The following ROR1 variants were observed in gnomAD, a reference collection of about 807,000 sequenced individuals.
ROR1 encodes inactive tyrosine-protein kinase transmembrane receptor ROR1.
Under a neutral mutation model 78.8 loss-of-function variants are expected in ROR1, and 19 were observed. The ratio of observed to expected loss-of-function variants is 0.24; its 90% CI spans 0.17 to 0.35. The LOEUF (loss-of-function observed/expected upper bound fraction) is 0.35, where lower values mean the gene tolerates loss of function less well. Among genes scored for constraint, ROR1 ranks in the 10% least tolerant of loss-of-function variants. ROR1 has a pLI of 1.00. For synonymous variants in ROR1, 386 were observed against 433.6 expected, an observed-to-expected ratio of 0.89 and a Z score of 1.36; for missense variants, 917 against 1,177.8, an observed-to-expected ratio of 0.78 and a Z score of 3.24.
chr1:63,941,954 A>G (rs993925963), intron 1 of ROR1, among the ~76,000 whole-genome samples: 3 of 152,184 alleles, frequency 2.0e-5, no homozygotes, highest in Non-Finnish European at 1.5e-5. Flanking sequence ...CCCTTACAAA[A>G]TTATCTCCAT....
At chr1:64,175,036 T>C (rs141220706) in intron 8 of ROR1, among the ~76,000 whole-genome samples, 60 of 150,612 alleles carry the variant, frequency 4.0e-4, no homozygotes, top group Non-Finnish European at 8.0e-4. Context: ...AGTTATTTAA[T>C]TTAAAAAAAT....
At chr1:64,078,028 A>G (rs1441488210) in intron 4 of ROR1, among the ~76,000 whole-genome samples, 1 of 152,208 alleles carries the variant, frequency 6.6e-6, no homozygotes, top group Non-Finnish European at 1.5e-5. Context: ...AGACAAATAG[A>G]ACATAATATC....
intron 1 of ROR1, among the ~76,000 whole-genome samples, chr1:63,995,294 A>G (rs559119457): frequency 6.6e-6 from 1 of 152,208 alleles, no homozygotes. Context: ...CTTAAATAGC[A>G]GTTGTTATTA....
intron 2 of ROR1, among the ~76,000 whole-genome samples, chr1:64,015,094 CAA>C (rs1215683983): frequency 6.6e-6 from 1 of 151,724 alleles, no homozygotes; most frequent in East Asian, 2.0e-4. Flanking sequence ...TGGTGGCAGG[CAA>C]AGAGAGAGCT....
At chr1:63,880,505 G>A (rs959609176) in intron 1 of ROR1, among the ~76,000 whole-genome samples, 5 of 152,134 alleles carry the variant, frequency 3.3e-5, no homozygotes, top group Admixed American at 2.0e-4. Context: ...ATGCAAGTAC[G>A]TCCAAATCAA....
chr1:63,791,862 A>AT (rs1644729048), intron 1 of ROR1, among the ~76,000 whole-genome samples: 1 of 152,158 alleles, frequency 6.6e-6, no homozygotes, highest in African/African-American at 2.4e-5. Context: ...GGCAAGTACC[A>AT]TTTTGTCTTC....
intron 1 of ROR1, among the ~76,000 whole-genome samples, chr1:63,921,974 C>T (rs536211031): frequency 6.6e-6 from 1 of 152,268 alleles, no homozygotes; most frequent in South Asian, 2.1e-4. Flanking sequence ...CTCAGGAGCT[C>T]CCACTTTGGT....
chr1:63,851,938 G>A (rs1289508714), intron 1 of ROR1, among the ~76,000 whole-genome samples: 3 of 152,222 alleles, frequency 2.0e-5, no homozygotes, highest in African/African-American at 4.8e-5. Context: ...AAAAGCAGTG[G>A]CACAGCAGGT....
At chr1:63,862,072 T>C (rs1350438988) in intron 1 of ROR1, among the ~76,000 whole-genome samples, 17 of 152,160 alleles carry the variant, frequency 1.1e-4, no homozygotes. Flanking sequence ...TCTGTCTTAC[T>C]GTGAAGTTTC....
rs566522453 is a variant in ROR1, at chr1:64,050,542, T to C, written c.452-144T>C. On this transcript the variant is annotated intron_variant, in intron 3 of 8. Transcript: ENST00000371079. ...TTTTTCATAGAGATGGTTGGGGGAATAGAGCAAAACAATAAATTCCAGAAA... is the reference window on the plus strand; with the variant it reads ...TTTTTCATAGAGATGGTTGGGGGAACAGAGCAAAACAATAAATTCCAGAAA... 5.7e-5 allele frequency: 43 copies of C among 760,814 alleles called. No individual in the cohort carries two copies. In the African/African-American group the frequency reaches 7.4e-4, roughly 13 times the overall value. The allele number at this position is 760,814 out of a possible 1,614,324, so 47.1% of individuals were successfully genotyped here. A position where few individuals can be genotyped will look rare whatever the true frequency, so the allele number is the denominator to read the frequency against.
intron 4 of ROR1, among the ~76,000 whole-genome samples, chr1:64,067,781 C>T (rs1052468450): frequency 7.0e-6 from 1 of 143,030 alleles, no homozygotes; most frequent in Non-Finnish European, 1.5e-5. Flanking sequence ...GGTGTGACCT[C>T]GGCTCACTGC....
chr1:63,893,757 A>G (rs1248835176), intron 1 of ROR1, among the ~76,000 whole-genome samples: 1 of 152,152 alleles, frequency 6.6e-6, no homozygotes, highest in African/African-American at 2.4e-5. Context: ...GTCAAGAGAT[A>G]TACAGTGGTC....
chr1:63,807,231 G>T (rs923330443), intron 1 of ROR1, among the ~76,000 whole-genome samples: 1 of 152,210 alleles, frequency 6.6e-6, no homozygotes, highest in Non-Finnish European at 1.5e-5. Flanking sequence ...TTACGGAAAT[G>T]CTGTTTTAAC....
intron 1 of ROR1, among the ~76,000 whole-genome samples, chr1:63,965,495 T>C (rs1646066620): frequency 1.3e-5 from 2 of 152,156 alleles, no homozygotes; most frequent in African/African-American, 4.8e-5. Flanking sequence ...GTTAAACCTG[T>C]CTTAGCAAAC....
At chr1:63,816,881 A>G (rs1644895297) in intron 1 of ROR1, among the ~76,000 whole-genome samples, 1 of 152,232 alleles carries the variant, frequency 6.6e-6, no homozygotes. Flanking sequence ...CTTGCAGAGC[A>G]AATGGTGGTG....
chr1:63,802,347 C>T (rs188657604), intron 1 of ROR1, among the ~76,000 whole-genome samples: 11 of 152,014 alleles, frequency 7.2e-5, no homozygotes, highest in Admixed American at 5.9e-4. Context: ...AGAGCCCTGC[C>T]CGATCTAGTG....
At chr1:63,908,019 C>T (rs1645541779) in intron 1 of ROR1, among the ~76,000 whole-genome samples, 1 of 152,150 alleles carries the variant, frequency 6.6e-6, no homozygotes, top group Admixed American at 6.5e-5. Context: ...ATAATATTAT[C>T]TAATGCATAG....
chr1:63,897,877 G>A (rs563809353), intron 1 of ROR1, among the ~76,000 whole-genome samples: 35 of 152,328 alleles, frequency 2.3e-4, no homozygotes, highest in African/African-American at 7.9e-4. Flanking sequence ...GAATGACCCT[G>A]CTCCATACAG....
At chr1:64,051,382 G>A (rs773683952) in intron 4 of ROR1, among the ~76,000 whole-genome samples, 8 of 151,416 alleles carry the variant, frequency 5.3e-5, no homozygotes, top group East Asian at 2.0e-4. Flanking sequence ...CCCGGGAGGC[G>A]GAGCTTGCAG....
Sources: allele counts gnomAD v4.1 joint callset (sites outside exome capture counted in the v4.1 genomes callset), GRCh38; gene constraint gnomAD v4.1.1; transcripts MANE v1.5; gene names NCBI Gene and HGNC (gene_info 2026-07-23, HGNC 2026-07-21).